TENM3: variants seen among roughly 807,000 people sequenced by gnomAD.
TENM3 encodes the protein teneurin-3.
Under a neutral mutation model 255.1 loss-of-function variants are expected in TENM3, and 63 were observed. The observed-to-expected ratio is 0.25, with a 90% CI of 0.20 to 0.30. The LOEUF is 0.30. Among genes scored for constraint, TENM3 ranks in the 10% least tolerant of loss-of-function variants. The pLI is 1.00. For synonymous variants in TENM3, 1,306 were observed against 1,322.3 expected (o/e 0.99, Z 0.27); for missense variants, 2,929 against 3,461.1 (o/e 0.85, Z 3.86).
At chr4:182,748,496 G>A (rs1762160129) in intron 19 of TENM3, among the ~76,000 whole-genome samples, 1 of 152,132 alleles carries the variant, frequency 6.6e-6, no homozygotes, top group African/African-American at 2.4e-5. Flanking sequence ...TCAGAAAGTT[G>A]GAAAGCAAGC....
At chr4:181,617,332 T>A in the TENM3 span, among the ~76,000 whole-genome samples, 2 of 152,348 alleles carry the variant, frequency 1.3e-5, no homozygotes, top group South Asian at 4.1e-4. Flanking sequence ...AAACGTTCAG[T>A]TTCAGTAGGC....
intron 1 of TENM3, among the ~76,000 whole-genome samples, chr4:182,323,647 T>C (rs1274384686): frequency 6.6e-6 from 1 of 152,218 alleles, no homozygotes; most frequent in Non-Finnish European, 1.5e-5. Context: ...AATTTTTAGC[T>C]GGCTTCTGTA....
the TENM3 span, among the ~76,000 whole-genome samples, chr4:181,526,123 T>C: frequency 1.3e-5 from 2 of 152,216 alleles, no homozygotes; most frequent in African/African-American, 4.8e-5. Context: ...TGTTTCACTG[T>C]TATTTTCCTC....
At chr4:181,602,033 C>A in the TENM3 span, among the ~76,000 whole-genome samples, 4 of 152,136 alleles carry the variant, frequency 2.6e-5, no homozygotes, top group Non-Finnish European at 4.4e-5. Flanking sequence ...TCTGCAAAGG[C>A]CCTTTTTCCA....
intron 1 of TENM3, among the ~76,000 whole-genome samples, chr4:182,267,396 T>G (rs1037236506): frequency 6.6e-6 from 1 of 152,216 alleles, no homozygotes; most frequent in Admixed American, 6.5e-5. Flanking sequence ...AAGTGATTAT[T>G]TTGCCAAGGC....
At chr4:181,944,688 G>A in the TENM3 span, among the ~76,000 whole-genome samples, 6 of 152,022 alleles carry the variant, frequency 3.9e-5, no homozygotes, top group African/African-American at 1.4e-4. Context: ...ATGCCTGACT[G>A]CCCACTCTGG....
the TENM3 span, among the ~76,000 whole-genome samples, chr4:181,608,176 T>G: frequency 2.6e-5 from 4 of 152,184 alleles, no homozygotes; most frequent in African/African-American, 9.7e-5. Context: ...CAATTTCTAC[T>G]TGCCTAAGAG....
At chr4:182,774,377 A>G (rs1764509226) in intron 23 of TENM3, among the ~76,000 whole-genome samples, 1 of 152,222 alleles carries the variant, frequency 6.6e-6, no homozygotes, top group Non-Finnish European at 1.5e-5. Context: ...AAACTGAGGC[A>G]GTAGTCTACA....
At chr4:181,549,018 A>G in the TENM3 span, among the ~76,000 whole-genome samples, 1 of 152,288 alleles carries the variant, frequency 6.6e-6, no homozygotes, top group African/African-American at 2.4e-5. Context: ...CATCTGTGTA[A>G]TGGGGCGATG....
the TENM3 span, among the ~76,000 whole-genome samples, chr4:181,916,797 A>G: frequency 6.6e-6 from 1 of 152,146 alleles, no homozygotes; most frequent in African/African-American, 2.4e-5. Context: ...GAATCGTTTG[A>G]ACCTGGGAGG....
chr4:182,451,359 TCAGTGTAATATC>T (rs1359045194), intron 3 of TENM3, among the ~76,000 whole-genome samples: 1 of 152,220 alleles, frequency 6.6e-6, no homozygotes, highest in Non-Finnish European at 1.5e-5. Context: ...ACACTGATTT[TCAGTGTAATATC>T]CTTGTCTAAA....
intron 3 of TENM3, among the ~76,000 whole-genome samples, chr4:182,467,778 A>G (rs992978868): frequency 2.6e-5 from 4 of 152,190 alleles, no homozygotes; most frequent in Admixed American, 6.5e-5. Context: ...GTTTAAACCC[A>G]TCTTTATGAA....
chr4:182,569,804 A>T (rs187875340), intron 3 of TENM3, among the ~76,000 whole-genome samples: 1 of 152,272 alleles, frequency 6.6e-6, no homozygotes, highest in East Asian at 1.9e-4. Context: ...CGGGTGAGTA[A>T]ATTTGATAAC....
chr4:182,750,491 T>C (rs955978186), intron 19 of TENM3, among the ~76,000 whole-genome samples: 4 of 152,012 alleles, frequency 2.6e-5, no homozygotes, highest in Non-Finnish European at 5.9e-5. Flanking sequence ...GAATAGAATC[T>C]CTTACAGGAA....
At chr4:181,966,648 C>T in the TENM3 span, among the ~76,000 whole-genome samples, 8 of 151,900 alleles carry the variant, frequency 5.3e-5, no homozygotes, top group East Asian at 1.2e-3. Flanking sequence ...GTAAAGGCTC[C>T]GAGAATGAAA....
chr4:182,233,799 G>A (rs1355347060), intron 1 of TENM3, among the ~76,000 whole-genome samples: 2 of 152,196 alleles, frequency 1.3e-5, no homozygotes, highest in Non-Finnish European at 2.9e-5. Flanking sequence ...CTTTAGAAGG[G>A]ACTGTTCTCT....
the TENM3 span, among the ~76,000 whole-genome samples, chr4:181,503,082 T>G: frequency 6.6e-6 from 1 of 152,180 alleles, no homozygotes; most frequent in Non-Finnish European, 1.5e-5. Flanking sequence ...ATCATTCAGC[T>G]GGACATGCAG....
At chr4:181,662,410 G>A in the TENM3 span, among the ~76,000 whole-genome samples, 1 of 152,128 alleles carries the variant, frequency 6.6e-6, no homozygotes, top group African/African-American at 2.4e-5. Flanking sequence ...TCTGTTGACT[G>A]TGTTTATTAT....
chr4:182,121,642 C>T, the TENM3 span, among the ~76,000 whole-genome samples: 1 of 152,148 alleles, frequency 6.6e-6, no homozygotes, highest in African/African-American at 2.4e-5. Flanking sequence ...AAACAATGTA[C>T]ATACCTTAAG....
Sources: gnomAD v4.1 joint callset for allele counts (sites outside exome capture counted in the v4.1 genomes callset) on GRCh38, gnomAD v4.1.1 for gene constraint, MANE v1.5 for transcripts, NCBI Gene and HGNC (gene_info 2026-07-23, HGNC 2026-07-21) for gene names.